Variants in FCRL3 observed in about 807,000 individuals in gnomAD.
The protein encoded by FCRL3 is Fc receptor like 3, also known as Fc receptor-like protein 3.
A neutral mutation model predicts 75.0 loss-of-function variants in FCRL3; 89 were observed. The observed-to-expected ratio is 1.19, with a 90% confidence interval of 1.00 to 1.42. The LOEUF is 1.42. Ranked by LOEUF, FCRL3 falls within the 40% of genes most tolerant of loss-of-function variation. The probability of loss-of-function intolerance (pLI) is 0.00; values close to 1 mark genes in which losing one functional copy is unlikely to be tolerated. For missense variants in FCRL3, 946 were observed against 880.0 expected (o/e 1.07, Z -0.95); for synonymous variants, 376 against 348.5 (o/e 1.08, Z -0.88).
chr1:157,699,459 G>A (rs1024909531), intron 3 of FCRL3, among the ~76,000 whole-genome samples: 1 of 151,598 alleles, frequency 6.6e-6, no homozygotes, highest in African/African-American at 2.4e-5. Flanking sequence ...TGCTCTGCAA[G>A]TGTTTCCTTC....
Position 157,678,366 on chromosome 1 carries a change from T to C in FCRL3, c.*344A>G. On this transcript the variant is annotated 3_prime_UTR_variant, in exon 15 of 15. Transcript: ENST00000368184. The stretch of plus-strand genomic sequence containing the variant: ...CAGAGAGCACATTAACAGCTTTCGA[T>C]CACACTTGGATCAAATGGTCATGAT... 1 of 1,093,670 alleles carries C rather than the reference T, an allele frequency of 9.1e-7. No individual in the cohort carries two copies. The highest frequency in any genetic ancestry group is 3.4e-5 in the South Asian group (1 of 29,430). 67.7% of individuals were successfully genotyped at this position (1,093,670 alleles called of 1,614,324 possible).
chr1:157,694,324 A>C lies in FCRL3; in HGVS notation c.1411+1005T>G, dbSNP rs1655753929. On this transcript the variant is annotated intron_variant, in intron 8 of 14. Coordinates refer to ENST00000368184, the MANE Select transcript of FCRL3 (RefSeq NM_052939.4). The stretch of plus-strand genomic sequence containing the variant: ...AACAAATGATATTTTCTTGTTCAAG[A>C]CTCGAGTCTCTGTTTCAGCACACTG... 2.0e-5 allele frequency among the ~76,000 whole-genome samples: 3 copies of C among 152,052 alleles called. No individual in the cohort carries two copies. The South Asian group carries it at 6.2e-4, about 32-fold the overall frequency.
chr1:157,689,618 T>A (rs79161040), intron 10 of FCRL3, among the ~76,000 whole-genome samples, 180 bp downstream of exon 10: 4 of 152,178 alleles, frequency 2.6e-5, no homozygotes, highest in Non-Finnish European at 5.9e-5. Flanking sequence ...AGGTAAAAAT[T>A]TTATTGAGAA....
intron 6 of FCRL3, 91 bp downstream of exon 6, chr1:157,697,047 CTG>C: frequency 1.6e-6 from 2 of 1,212,994 alleles, no homozygotes; most frequent in Non-Finnish European, 2.1e-6. Context: ...ACACTCCTCT[CTG>C]TTATGTCCAC....
In FCRL3 at chr1:157,676,557, T is replaced by C. The variant is rs1654468703; in HGVS notation, c.*2153A>G. 1 of 671,310 alleles carries C rather than the reference T, an allele frequency of 1.5e-6. No individual in the cohort carries two copies. The highest frequency in any genetic ancestry group is 2.6e-5 in the South Asian group (1 of 38,738). The allele number at this position is 671,310 out of a possible 1,614,324, so 41.6% of individuals were successfully genotyped here. A position where few individuals can be genotyped will look rare whatever the true frequency, so the allele number is the denominator to read the frequency against. On this transcript the variant is annotated 3_prime_UTR_variant, in exon 15 of 15. Transcript: ENST00000368184. Reference sequence around the variant, plus strand: ...TTTAGATTTCTGGGCTATGGGTTTTTAGTTGTGAATTCAAAGATAAAAGTC... The same window carrying C: ...TTTAGATTTCTGGGCTATGGGTTTTCAGTTGTGAATTCAAAGATAAAAGTC...
Position 157,677,531 on chromosome 1 carries a change from A to T in FCRL3, c.*1179T>A. 4.1e-6 allele frequency: 4 copies of T among 985,398 alleles called. No individual in the cohort carries two copies. The highest frequency in any genetic ancestry group is 4.8e-6 in the Non-Finnish European group (4 of 829,890). 61.0% of individuals were successfully genotyped at this position (985,398 alleles called of 1,614,324 possible). On this transcript the variant is annotated 3_prime_UTR_variant, in exon 15 of 15. Coordinates refer to ENST00000368184, the MANE Select transcript of FCRL3 (RefSeq NM_052939.4). The stretch of plus-strand genomic sequence containing the variant: ...CAGAATGGAGGTGAAGTCACTGAAA[A>T]TTGTTGGTACATTTTCATTTTTGTC...
chr1:157,700,934 C>T (rs573237032), upstream of FCRL3: 1 of 193,568 alleles, frequency 5.2e-6, no homozygotes, highest in South Asian at 1.2e-4. Flanking sequence ...GTGTGAATCA[C>T]ACAGTCAAGG....
At chr1:157,683,532 G>A (rs1443946794) in intron 10 of FCRL3, among the ~76,000 whole-genome samples, 4 of 152,118 alleles carry the variant, frequency 2.6e-5, no homozygotes, top group Non-Finnish European at 4.4e-5. Flanking sequence ...GTCACAACCT[G>A]GGTCAGGTGC....
rs938940653 is a variant in FCRL3, at chr1:157,676,690, A to G, written c.*2020T>C. ...TTAGGACTCACCCCTTCTTCCACTC[A>G]CATACTCTGATTTGCACAGGGCTAA... On this transcript the variant is annotated 3_prime_UTR_variant, in exon 15 of 15. Coordinates refer to ENST00000368184, the MANE Select transcript of FCRL3 (RefSeq NM_052939.4). 3 of 1,548,170 alleles carry G rather than the reference A, an allele frequency of 1.9e-6. No homozygotes were observed. Among genetic ancestry groups the G allele is most frequent in the Non-Finnish European group, 2.6e-6 (3 of 1,144,860 alleles).
rs1452935061 is a variant in FCRL3 at position 157,697,285 on chromosome 1, C to T, written c.699G>A (p.Gln233=). ...ACCTGCTCCAGCCCAATCCGAGGGT[C>T]TGGCTATCTCTGAAGAGGGAGAATT... ...QLQFSLFRDS[Q]TLGLGWSRSP... Residue 233 remains glutamine, a synonymous_variant, in exon 6 of 15, where the codon CAG becomes CAA. Transcript: ENST00000368184. 6.2e-6 allele frequency: 10 copies of T among 1,612,420 alleles called. No homozygotes were observed. The highest frequency in any genetic ancestry group is 1.7e-5 in the Admixed American group (1 of 59,826).
rs763713716 is a variant in FCRL3 at position 157,681,116 on chromosome 1, G to C, written c.1839-17C>G. Reference sequence around the variant, plus strand: ...GGACTGTGACTGTGACAGAGGGGGAGAGAATGGATTAAAAAGTATCTGTGG... The same window carrying C: ...GGACTGTGACTGTGACAGAGGGGGACAGAATGGATTAAAAAGTATCTGTGG... On this transcript the variant is annotated splice_polypyrimidine_tract_variant and intron_variant, in intron 11 of 14. Transcript: ENST00000368184. The C allele has an allele frequency of 3.4e-6, 5 of 1,491,336 alleles. No individual in the cohort carries two copies. In the African/African-American group the frequency reaches 7.0e-5, roughly 21 times the overall value. 92.4% of individuals were successfully genotyped at this position (1,491,336 alleles called of 1,614,324 possible).
rs1166430504 is a variant in FCRL3 at position 157,700,534 on chromosome 1, A to C, written c.-45T>G. 19 of 1,613,760 alleles carry C rather than the reference A, an allele frequency of 1.2e-5. No homozygotes were observed. Among genetic ancestry groups the C allele is most frequent in the Non-Finnish European group, 1.6e-5 (19 of 1,179,914 alleles). ...GGTTGGGAAAGTCTGTCTCACCAAA[A>C]GCCCGACTTATCTCCAAGAAGGAGG... On this transcript the variant is annotated 5_prime_UTR_variant, in exon 2 of 15. Coordinates refer to ENST00000368184, the MANE Select transcript of FCRL3 (RefSeq NM_052939.4).
intron 11 of FCRL3, among the ~76,000 whole-genome samples, chr1:157,681,966 T>A (rs1407925438): frequency 6.6e-6 from 1 of 151,824 alleles, no homozygotes; most frequent in Admixed American, 6.6e-5. Flanking sequence ...CTCATTGTGG[T>A]TTTGATTTGC....
Position 157,690,512 on chromosome 1 carries a change from A to C in FCRL3, c.1433T>G (p.Leu478Arg). 2 of 1,614,258 alleles carry C rather than the reference A, an allele frequency of 1.2e-6. No individual in the cohort carries two copies. The highest frequency in any genetic ancestry group is 1.7e-6 in the Non-Finnish European group (2 of 1,180,038). The part of the protein sequence containing the change: ...RVTVPVSRPV[L>R]TLRAPGAQAV... ...CTGGGCCCCGGGAGCCCTGAGGGTG[A>C]GGACGGGGCGAGACACCGGAACTGA... is the stretch of plus-strand genomic sequence containing the variant. The change falls in exon 9 of 15, where the codon CTC becomes CGC. Residue 478 changes from leucine to arginine, a missense_variant. Leu to Arg is a moderately radical substitution (Grantham distance 102, BLOSUM62 -2). Transcript: ENST00000368184.
At chr1:157,680,496 AGTGT>A (rs1654766504) in intron 13 of FCRL3, among the ~76,000 whole-genome samples, 1 of 152,254 alleles carries the variant, frequency 6.6e-6, no homozygotes, top group Non-Finnish European at 1.5e-5. Context: ...AAAAAGTCAC[AGTGT>A]CTGTCCTCAA....
In FCRL3 at chr1:157,679,828, C is replaced by CAAAAAAAAAAAAAAAAAAAAA. The variant is rs879258382; in HGVS notation, c.2027-856_2027-855insTTTTTTTTTTTTTTTTTTTTT. 6.8e-4 allele frequency among the ~76,000 whole-genome samples: 19 copies of CAAAAAAAAAAAAAAAAAAAAA among 27,922 alleles called. 3 individuals carry two copies. The highest frequency in any genetic ancestry group is 3.0e-3 in the East Asian group (2 of 658). The allele number at this position is 27,922 out of a possible 152,430, so 18.3% of individuals were successfully genotyped here. On this transcript the variant is annotated intron_variant, in intron 13 of 14. Coordinates refer to ENST00000368184, the MANE Select transcript of FCRL3 (RefSeq NM_052939.4). ...TGGGCGACAGAACGAGACCCCATCT[C>CAAAAAAAAAAAAAAAAAAAAA]ACAAAAAAAAAAAAAAAAAAAAAAA...
rs773413038 is a variant in FCRL3 at position 157,696,332 on chromosome 1, G to A, written c.845-5C>T. ...TCACATTAGACACAGGGACTCCTGGGGGAACACAAGATGGCATGTGAAGGT... is the reference window on the plus strand; with the variant it reads ...TCACATTAGACACAGGGACTCCTGGAGGAACACAAGATGGCATGTGAAGGT... On this transcript the variant is annotated splice_region_variant and splice_polypyrimidine_tract_variant and intron_variant, in intron 6 of 14. Coordinates refer to ENST00000368184, the MANE Select transcript of FCRL3 (RefSeq NM_052939.4). 9.3e-6 allele frequency: 15 copies of A among 1,613,306 alleles called. No individual in the cohort carries two copies. The highest frequency in any genetic ancestry group is 3.3e-5 in the Admixed American group (2 of 59,990).
intron 10 of FCRL3, among the ~76,000 whole-genome samples, chr1:157,689,297 T>C (rs1655360912): frequency 6.6e-6 from 1 of 152,192 alleles, no homozygotes; most frequent in Admixed American, 6.5e-5. Context: ...AACTAATAAG[T>C]CAGTCTAGCA....
Position 157,700,512 on chromosome 1 carries a change from T to G in FCRL3, c.-23A>C. On this transcript the variant is annotated 5_prime_UTR_variant, in exon 2 of 15. Transcript: ENST00000368184. Reference sequence around the variant, plus strand: ...CATGGGCACCGGCCGGGCAGAGGGTTGGGAAAGTCTGTCTCACCAAAAGCC... The same window carrying G: ...CATGGGCACCGGCCGGGCAGAGGGTGGGGAAAGTCTGTCTCACCAAAAGCC... The G allele has an allele frequency of 6.2e-7, 1 of 1,613,948 alleles. No individual in the cohort carries two copies. The highest frequency in any genetic ancestry group is 1.3e-5 in the African/African-American group (1 of 75,028).
Sources: allele counts gnomAD v4.1 joint callset (sites outside exome capture counted in the v4.1 genomes callset), GRCh38; gene constraint gnomAD v4.1.1; transcripts MANE v1.5; gene names NCBI Gene and HGNC (gene_info 2026-07-23, HGNC 2026-07-21).